MRTFA: variants seen among roughly 807,000 people sequenced by gnomAD.
MRTFA encodes the protein myocardin related transcription factor A, also known as myocardin-related transcription factor A.
A neutral mutation model predicts 83.5 loss-of-function variants in MRTFA; 20 were observed. That is an observed-to-expected ratio of 0.24 (90% confidence interval 0.17 to 0.35). MRTFA has a LOEUF of 0.35. Among genes scored for constraint, MRTFA ranks in the 10% least tolerant of loss-of-function variants. MRTFA has a pLI of 1.00. For synonymous variants in MRTFA, 659 were observed against 541.2 expected (o/e 1.22, Z -3.02); for missense variants, 1,200 against 1,224.7 (o/e 0.98, Z 0.30).
At chr22:40,597,729 G>A (rs1332972372) in intron 1 of MRTFA, among the ~76,000 whole-genome samples, 2 of 152,228 alleles carry the variant, frequency 1.3e-5, no homozygotes, top group Admixed American at 1.3e-4. Context: ...GCTTCACGCA[G>A]AGGAAGAAAT....
intron 2 of MRTFA, 126 bp from the exon 3 acceptor site, chr22:40,552,493 G>A (rs922077329): frequency 2.6e-6 from 1 of 383,810 alleles, no homozygotes; most frequent in African/African-American, 2.1e-5. Context: ...GGAGGGACTT[G>A]GTGGCAGGTA....
At chr22:40,555,405 T>C (rs746730648) in intron 2 of MRTFA, among the ~76,000 whole-genome samples, 3 of 152,060 alleles carry the variant, frequency 2.0e-5, no homozygotes, top group Admixed American at 6.5e-5. Flanking sequence ...GTTCTTCCAA[T>C]ATCTAGTTGT....
intron 1 of MRTFA, among the ~76,000 whole-genome samples, chr22:40,605,222 C>T: frequency 6.6e-6 from 1 of 152,154 alleles, no homozygotes; most frequent in East Asian, 1.9e-4. Context: ...ATGGTCTCTG[C>T]TCTGATGGGG....
chr22:40,463,867 T>C (rs1293257745), intron 3 of MRTFA, among the ~76,000 whole-genome samples: 1 of 152,188 alleles, frequency 6.6e-6, no homozygotes, highest in Non-Finnish European at 1.5e-5. Flanking sequence ...CTTAGAGCCT[T>C]TTCTGTTGAG....
intron 4 of MRTFA, among the ~76,000 whole-genome samples, chr22:40,441,863 C>A (rs1449742877): frequency 1.3e-5 from 2 of 151,948 alleles, no homozygotes; most frequent in Admixed American, 1.3e-4. Context: ...CACTTTCACA[C>A]AGGCATCCAA....
intron 3 of MRTFA, among the ~76,000 whole-genome samples, chr22:40,488,522 T>C (rs911120999): frequency 5.9e-5 from 9 of 151,432 alleles, no homozygotes; most frequent in African/African-American, 1.9e-4. Context: ...ATCTCTCTCT[T>C]TTTTTTTAAT....
rs762758238 is a variant in MRTFA at position 40,418,469 on chromosome 22, T to C, written c.2269A>G (p.Thr757Ala). 1.2e-6 allele frequency: 2 copies of C among 1,613,270 alleles called. No individual in the cohort carries two copies. The highest frequency in any genetic ancestry group is 2.7e-5 in the African/African-American group (2 of 74,834). The change falls in exon 12 of 15, where the codon ACC (threonine) becomes GCC (alanine). Residue 757 changes from threonine (T) to alanine (A), a missense_variant. Physicochemically the swap from Thr to Ala is moderately conservative, Grantham distance 58. Around this residue, in one of 2 missense-constraint regions of MRTFA, gnomAD observed 1,107 missense variants for 1,041.8 expected, o/e 1.06. Coordinates refer to ENST00000355630, the MANE Select transcript of MRTFA (RefSeq NM_020831.6). ...GTCCCTGTGGAGTCGGTGATGAGGGTGGGAGGTGCAACCCCCTTGATGAGG... is the reference window on the plus strand; with the variant it reads ...GTCCCTGTGGAGTCGGTGATGAGGGCGGGAGGTGCAACCCCCTTGATGAGG...
intron 3 of MRTFA, among the ~76,000 whole-genome samples, chr22:40,529,427 C>A (rs2055036939): frequency 6.6e-6 from 1 of 152,124 alleles, no homozygotes; most frequent in African/African-American, 2.4e-5. Context: ...AGAGATTCCC[C>A]TGCCTCAGCT....
Position 40,470,258 on chromosome 22 carries a change from T to G in MRTFA, c.242-6972A>C, listed in dbSNP as rs1325186426. Among the ~76,000 whole-genome samples, 4 of 98,278 alleles carry G rather than the reference T, an allele frequency of 4.1e-5. No homozygotes were observed. In the Admixed American group the frequency reaches 4.4e-4, roughly 11 times the overall value. The allele number at this position is 98,278 out of a possible 152,430, so 64.5% of individuals were successfully genotyped here. A position where few individuals can be genotyped will look rare whatever the true frequency, so the allele number is the denominator to read the frequency against. ...ATATATATATATATATATATATATA[T>G]ATATATATATATATATATATATAAA... On this transcript the variant is annotated intron_variant, in intron 3 of 14. Coordinates refer to ENST00000355630, the MANE Select transcript of MRTFA (RefSeq NM_020831.6).
At chr22:40,549,682 G>T (rs2055416048) in intron 3 of MRTFA, among the ~76,000 whole-genome samples, 1 of 152,150 alleles carries the variant, frequency 6.6e-6, no homozygotes, top group Admixed American at 6.6e-5. Context: ...ATAAGTTGTG[G>T]GTTATTTTGT....
chr22:40,561,111 G>A (rs979970282), intron 2 of MRTFA, among the ~76,000 whole-genome samples: 1 of 151,612 alleles, frequency 6.6e-6, no homozygotes, highest in Admixed American at 6.6e-5. Context: ...TATTTTCAAT[G>A]CAGTAAACCT....
At chr22:40,605,635 C>T (rs574211324) in intron 1 of MRTFA, among the ~76,000 whole-genome samples, 2 of 152,078 alleles carry the variant, frequency 1.3e-5, no homozygotes, top group African/African-American at 4.8e-5. Context: ...ATGGATTGAT[C>T]GAGAATAATT....
At chr22:40,514,215 C>T (rs1602364850) in intron 3 of MRTFA, among the ~76,000 whole-genome samples, 1 of 151,504 alleles carries the variant, frequency 6.6e-6, no homozygotes, top group East Asian at 1.9e-4. Flanking sequence ...CACGCCACTG[C>T]ACTCCAGCCT....
rs747409456 is a variant in MRTFA at position 40,620,423 on chromosome 22, CTT to C, written c.-84+16053_-84+16054del. Among the ~76,000 whole-genome samples, 347 of 94,200 alleles carry C rather than the reference CTT, an allele frequency of 3.7e-3. 1 individual carries two copies. The highest frequency in any genetic ancestry group is 0.013 in the African/African-American group (306 of 22,776). 61.8% of individuals were successfully genotyped at this position (94,200 alleles called of 152,430 possible). ...ACAGGCGTGAGCCACAACATGCAGT[CTT>C]TTTTTTTTTTTTTTTTTTTTGTATT... On this transcript the variant is annotated intron_variant, in intron 1 of 14. Coordinates refer to ENST00000355630, the MANE Select transcript of MRTFA (RefSeq NM_020831.6).
intron 3 of MRTFA, among the ~76,000 whole-genome samples, chr22:40,506,466 A>G (rs2054582071): frequency 6.6e-6 from 1 of 152,166 alleles, no homozygotes; most frequent in African/African-American, 2.4e-5. Flanking sequence ...CAATATTTAC[A>G]TATTAATGGG....
At chr22:40,618,805 A>C (rs2056485401) in intron 1 of MRTFA, among the ~76,000 whole-genome samples, 1 of 152,074 alleles carries the variant, frequency 6.6e-6, no homozygotes, top group Non-Finnish European at 1.5e-5. Flanking sequence ...TCTACTAAAA[A>C]TACAAAAATT....
chr22:40,508,319 G>A (rs1780232269), intron 3 of MRTFA, among the ~76,000 whole-genome samples: 1 of 151,938 alleles, frequency 6.6e-6, no homozygotes, highest in South Asian at 2.1e-4. Flanking sequence ...AGACCAGCCT[G>A]ACCGACATGG....
chr22:40,609,783 A>G (rs1421096184), intron 1 of MRTFA, among the ~76,000 whole-genome samples: 1 of 152,060 alleles, frequency 6.6e-6, no homozygotes, highest in Non-Finnish European at 1.5e-5. Context: ...GTGAGTCGAG[A>G]CTGCGCCACT....
chr22:40,455,403 T>C (rs2053564456), intron 4 of MRTFA, among the ~76,000 whole-genome samples: 2 of 151,546 alleles, frequency 1.3e-5, no homozygotes, highest in African/African-American at 2.4e-5. Flanking sequence ...TCCCAGCACT[T>C]TGGGAGGCTG....
Sources: allele counts gnomAD v4.1 joint callset (sites outside exome capture counted in the v4.1 genomes callset), GRCh38; gene constraint gnomAD v4.1.1; regional missense constraint gnomAD v4.1.1; transcripts MANE v1.5; gene names NCBI Gene and HGNC (gene_info 2026-07-23, HGNC 2026-07-21).